The following ZNHIT3 variants were observed in gnomAD, a reference collection of about 807,000 sequenced individuals.
The protein encoded by ZNHIT3 is zinc finger HIT-type containing 3.
Under a neutral mutation model 19.9 loss-of-function variants are expected in ZNHIT3, and 27 were observed. That is an observed-to-expected ratio of 1.36 (90% CI 1.00 to 1.87). The LOEUF (loss-of-function observed/expected upper bound fraction) is 1.87. Ranked by LOEUF, ZNHIT3 falls within the 40% of genes most tolerant of loss-of-function variation. ZNHIT3 has a pLI of 0.00. For synonymous variants in ZNHIT3, 81 were observed against 65.7 expected, an observed-to-expected ratio of 1.23 and a Z score of -1.13; for missense variants, 215 against 185.6, an observed-to-expected ratio of 1.16 and a Z score of -0.92.
At position 36,495,445 on chromosome 17, in the gene ZNHIT3, C is replaced by G. The variant is rs376695969; in HGVS notation, c.*41C>G. ...TGCTTGCTCAAGCGTGTGCTTGACT[C>G]CTGGAACCTGCCTGCTCCCTCTCCC... is the stretch of plus-strand genomic sequence containing the variant. On this transcript the variant is annotated 3_prime_UTR_variant, in exon 5 of 5. Coordinates refer to ENST00000617429, the MANE Select transcript of ZNHIT3 (RefSeq NM_004773.4). 1.2e-5 allele frequency: 19 copies of G among 1,523,442 alleles called. No homozygotes were observed. The African/African-American group carries it at 2.6e-4, about 21-fold the overall frequency. 94.4% of individuals were successfully genotyped at this position (1,523,442 alleles called of 1,614,324 possible). A position where few individuals can be genotyped will look rare whatever the true frequency, so the allele number is the denominator to read the frequency against.
chr17:36,497,405 A>G (rs2071088481), downstream of ZNHIT3, among the ~76,000 whole-genome samples: 1 of 152,026 alleles, frequency 6.6e-6, no homozygotes, highest in African/African-American at 2.4e-5. Context: ...ACCAAGCAAT[A>G]CAATTTGGGG....
chr17:36,494,110 A>AGGG, intron 4 of ZNHIT3, 104 bp downstream of exon 4: 1 of 830,950 alleles, frequency 1.2e-6, no homozygotes, highest in Non-Finnish European at 1.9e-6. Flanking sequence ...TATGGCATGT[A>AGGG]GGGCTCTTAC....
chr17:36,496,511 T>C (rs141202867), downstream of ZNHIT3: 1 of 1,055,760 alleles, frequency 9.5e-7, no homozygotes, highest in Non-Finnish European at 1.4e-6. Flanking sequence ...TATGGACAAG[T>C]ACTAGTATTG....
chr17:36,486,833 G>A (rs2070566118), intron 1 of ZNHIT3, 48 bp downstream of exon 1: 1 of 1,601,310 alleles, frequency 6.2e-7, no homozygotes, highest in East Asian at 2.3e-5. Flanking sequence ...TCCGGCCATG[G>A]CGGGAGGGCG....
chr17:36,492,654 C>G (rs931813411), intron 2 of ZNHIT3, 159 bp from the exon 3 acceptor site: 2 of 666,858 alleles, frequency 3.0e-6, no homozygotes, highest in Admixed American at 5.3e-5. Context: ...CTTAATCTCT[C>G]TCTTGCTTTG....
intron 2 of ZNHIT3, among the ~76,000 whole-genome samples, chr17:36,488,641 C>A (rs1001815301): frequency 3.3e-5 from 5 of 150,028 alleles, no homozygotes; most frequent in Admixed American, 2.7e-4. Context: ...ATAGTTGGTA[C>A]GACCATTATT....
chr17:36,494,273 C>T (rs919972226), intron 4 of ZNHIT3, among the ~76,000 whole-genome samples: 4 of 152,212 alleles, frequency 2.6e-5, no homozygotes, highest in African/African-American at 4.8e-5. Context: ...CTCAGCTAAG[C>T]TTTTCTTGAC....
intron 4 of ZNHIT3, among the ~76,000 whole-genome samples, chr17:36,494,785 C>T (rs1291148972): frequency 1.3e-5 from 2 of 152,028 alleles, no homozygotes; most frequent in Admixed American, 6.6e-5. Flanking sequence ...CAGATTATTT[C>T]GTATAGCCGT....
intron 3 of ZNHIT3, 28 bp from the exon 4 acceptor site, chr17:36,493,898 G>T (rs202090417): frequency 1.3e-6 from 2 of 1,546,246 alleles, no homozygotes; most frequent in Non-Finnish European, 1.8e-6. Flanking sequence ...TTTTAGCCAT[G>T]AGCCATTGAC....
downstream of ZNHIT3, chr17:36,497,660 C>A: frequency 2.2e-6 from 1 of 451,978 alleles, no homozygotes; most frequent in Non-Finnish European, 2.9e-6. Context: ...TCTCGGCTCA[C>A]TGCAACCTCT....
At chr17:36,493,152 G>A (rs2070766807) in intron 3 of ZNHIT3, 1 of 547,936 alleles carries the variant, frequency 1.8e-6, no homozygotes, top group Non-Finnish European at 3.2e-6. Flanking sequence ...CTGTGGTTTG[G>A]GGGTTTGCGG....
At chr17:36,492,606 T>C in intron 2 of ZNHIT3, 2 of 586,424 alleles carry the variant, frequency 3.4e-6, no homozygotes, top group Non-Finnish European at 3.0e-6. Context: ...TTGGGGTGCA[T>C]GAATGAGTCC....
chr17:36,498,194 G>A (rs1008823477), downstream of ZNHIT3: 456 of 1,517,606 alleles, frequency 3.0e-4, 1 homozygote, highest in African/African-American at 2.7e-4. Context: ...TCTCATTCCC[G>A]CTGTGAACTT....
In ZNHIT3 at chr17:36,492,844, G is replaced by GA; in HGVS notation, c.157dup (p.Ile53AsnfsTer18). ...GCAACCCTGAAACTCGTCCTGTTGA[G>GA]AAAAAAATAAGATCAGCTCTTCCTA... On this transcript the variant is annotated frameshift_variant, in exon 3 of 5. Coordinates refer to ENST00000617429, the MANE Select transcript of ZNHIT3 (RefSeq NM_004773.4). LOFTEE classifies it high-confidence loss of function. The GA allele has an allele frequency of 1.9e-6, 3 of 1,614,068 alleles. No homozygotes were observed. The highest frequency in any genetic ancestry group is 2.2e-5 in the East Asian group (1 of 44,884).
chr17:36,492,780 G>A, intron 2 of ZNHIT3, 33 bp from the exon 3 acceptor site: 1 of 1,597,524 alleles, frequency 6.3e-7, no homozygotes, highest in Non-Finnish European at 8.6e-7. Flanking sequence ...TGAAATGGAG[G>A]TAATGTGGGC....
intron 3 of ZNHIT3, chr17:36,493,380 C>CA (rs1365042574): frequency 1.7e-5 from 3 of 176,526 alleles, no homozygotes. Flanking sequence ...TCCTGGGTGT[C>CA]AAGCACCATG....
At position 36,495,140 on chromosome 17, in the gene ZNHIT3, C is replaced by G. The variant is rs2070863708; in HGVS notation, c.287-83C>G. 8 of 1,477,032 alleles carry G rather than the reference C, an allele frequency of 5.4e-6. No individual in the cohort carries two copies. The South Asian group carries it at 1.1e-4, about 21-fold the overall frequency. 91.5% of individuals were successfully genotyped at this position (1,477,032 alleles called of 1,614,324 possible). On this transcript the variant is annotated intron_variant, in intron 4 of 4. Coordinates refer to ENST00000617429, the MANE Select transcript of ZNHIT3 (RefSeq NM_004773.4). ...ACACCTTGCTGATAGTTTTATTACA[C>G]TTGAAATAGCTCTTCACTTTTCAGC... is the stretch of plus-strand genomic sequence containing the variant.
At chr17:36,491,160 G>T (rs1440226090) in intron 2 of ZNHIT3, 2 of 152,082 alleles carry the variant, frequency 1.3e-5, no homozygotes, top group Non-Finnish European at 2.9e-5. Flanking sequence ...TATCTGCTGT[G>T]TTTGGCTTTT....
At chr17:36,491,902 G>A (rs1290856141) in intron 2 of ZNHIT3, 1 of 152,116 alleles carries the variant, frequency 6.6e-6, no homozygotes, top group Non-Finnish European at 1.5e-5. Context: ...GACCCCAATG[G>A]ACAAGTTTAT....
Sources: gnomAD v4.1 joint callset for allele counts (sites outside exome capture counted in the v4.1 genomes callset) on GRCh38, gnomAD v4.1.1 for gene constraint, MANE v1.5 for transcripts, NCBI Gene and HGNC (gene_info 2026-07-23, HGNC 2026-07-21) for gene names.